Variants in SPINT2 observed in about 807,000 individuals in gnomAD.
SPINT2 encodes the protein kunitz-type protease inhibitor 2.
A neutral mutation model predicts 30.1 loss-of-function variants in SPINT2; 18 were observed. The ratio of observed to expected loss-of-function variants is 0.60; its 90% CI spans 0.41 to 0.89. The LOEUF (loss-of-function observed/expected upper bound fraction) is 0.89, where lower values mean the gene tolerates loss of function less well. Ranked by LOEUF, SPINT2 falls within the 40% of genes least tolerant of loss-of-function variation. SPINT2 has a pLI of 0.00. For synonymous variants in SPINT2, 139 were observed against 137.9 expected (o/e 1.01, Z -0.05); for missense variants, 276 against 334.3 (o/e 0.83, Z 1.36).
chr19:38,264,600 T>G lies in SPINT2; in HGVS notation c.-293T>G. ...CATTGGCTCTGGCGACCTCCGCGCG[T>G]TGGGAGGTGTAGCGCGGCTCTGAAC... is the stretch of plus-strand genomic sequence containing the variant. On this transcript the variant is annotated 5_prime_UTR_variant, in exon 1 of 7. Transcript: ENST00000301244. 3.4e-4 allele frequency: 103 copies of G among 301,454 alleles called. No individual in the cohort carries two copies. Among genetic ancestry groups the G allele is most frequent in the East Asian group, 4.9e-4 (7 of 14,278 alleles). 18.7% of individuals were successfully genotyped at this position (301,454 alleles called of 1,614,324 possible). A position where few individuals can be genotyped will look rare whatever the true frequency, so the allele number is the denominator to read the frequency against.
rs772039357 is a variant in SPINT2 at position 38,290,079 on chromosome 19, G to A, written c.392-40G>A. The A allele has an allele frequency of 7.4e-6, 12 of 1,611,182 alleles. No individual in the cohort carries two copies. In the East Asian group the frequency reaches 1.8e-4, roughly 24 times the overall value. ...TCTGGCTTGCTTCCCCTCCTTGCGGGCCCTACTAATTTGTATTCCCTGGGC... is the reference window on the plus strand; with the variant it reads ...TCTGGCTTGCTTCCCCTCCTTGCGGACCCTACTAATTTGTATTCCCTGGGC... On this transcript the variant is annotated intron_variant, in intron 4 of 6. Coordinates refer to ENST00000301244, the MANE Select transcript of SPINT2 (RefSeq NM_021102.4). The surrounding 1 kb of genome is among the most constrained non-coding windows in gnomAD (Gnocchi z 4.3).
chr19:38,271,364 C>T (rs994387203), intron 1 of SPINT2, among the ~76,000 whole-genome samples: 31 of 151,824 alleles, frequency 2.0e-4, no homozygotes, highest in Admixed American at 7.2e-4. Context: ...TGGTGGCGGG[C>T]GCCTATAGTC....
intron 1 of SPINT2, among the ~76,000 whole-genome samples, chr19:38,267,593 G>T (rs1600330423): frequency 6.7e-6 from 1 of 148,346 alleles, no homozygotes; most frequent in East Asian, 2.1e-4. Context: ...ATGAGAGGGA[G>T]GTTCTGAAGA....
At chr19:38,274,824 A>AAC (rs1555715734) in intron 1 of SPINT2, among the ~76,000 whole-genome samples, 9 of 151,912 alleles carry the variant, frequency 5.9e-5, no homozygotes, top group Admixed American at 2.6e-4. Flanking sequence ...AAAAAAAAAA[A>AAC]AAACATAAAA....
At chr19:38,285,331 C>T (rs1205017421) in intron 2 of SPINT2, among the ~76,000 whole-genome samples, 1 of 152,172 alleles carries the variant, frequency 6.6e-6, no homozygotes, top group African/African-American at 2.4e-5. Flanking sequence ...TTTGGCCATC[C>T]AAATCCTATG....
intron 4 of SPINT2, 71 bp downstream of exon 4, chr19:38,289,262 G>A: frequency 2.2e-6 from 3 of 1,351,180 alleles, no homozygotes; most frequent in South Asian, 1.2e-5. Context: ...GCTGAGGTGG[G>A]CGGATCACGA....
intron 2 of SPINT2, among the ~76,000 whole-genome samples, chr19:38,284,643 T>A (rs1968620890): frequency 6.6e-6 from 1 of 152,198 alleles, no homozygotes; most frequent in African/African-American, 2.4e-5. Context: ...CTTTACTAAG[T>A]GCAAGTTTCA....
intron 1 of SPINT2, chr19:38,265,201 G>A (rs772351454): frequency 1.7e-5 from 9 of 543,964 alleles, no homozygotes; most frequent in Admixed American, 3.2e-5. Context: ...GGGCGGAGGA[G>A]CGAGGGTTAG....
rs192603885 is a variant in SPINT2 at position 38,265,139 on chromosome 19, C to G, written c.106+141C>G. The G allele has an allele frequency of 5.0e-4, 365 of 736,654 alleles. No homozygotes were observed. The African/African-American group carries it at 5.9e-3, about 12-fold the overall frequency. 45.6% of individuals were successfully genotyped at this position (736,654 alleles called of 1,614,324 possible). A position where few individuals can be genotyped will look rare whatever the true frequency, so the allele number is the denominator to read the frequency against. ...GTTCAGCGGGTGTGGTGGAACCAGC[C>G]CTGGAGGATTGAGCCTTGAAATGAG... On this transcript the variant is annotated intron_variant, in intron 1 of 6. Coordinates refer to ENST00000301244, the MANE Select transcript of SPINT2 (RefSeq NM_021102.4).
chr19:38,277,636 G>T (rs1190261015), intron 1 of SPINT2, among the ~76,000 whole-genome samples: 3 of 152,206 alleles, frequency 2.0e-5, no homozygotes, highest in African/African-American at 7.2e-5. Context: ...CCGGCTGATT[G>T]TCTTGGTTAA....
intron 1 of SPINT2, among the ~76,000 whole-genome samples, chr19:38,281,113 G>A (rs143342874): frequency 1.4e-4 from 22 of 152,228 alleles, no homozygotes; most frequent in Non-Finnish European, 2.9e-4. Flanking sequence ...CAGCGTTGGG[G>A]TGGGCAGAGT....
At chr19:38,281,697 GAAACTCTGTCTCA>G (rs1229483811) in intron 1 of SPINT2, among the ~76,000 whole-genome samples, 1 of 151,190 alleles carries the variant, frequency 6.6e-6, no homozygotes, top group Non-Finnish European at 1.5e-5. Context: ...CAACAAGAGT[GAAACTCTGTCTCA>G]AAAAAAAAAA....
chr19:38,289,497 A>AAC lies in SPINT2; in HGVS notation c.391+307_391+308insCA, dbSNP rs1459381668. The AAC allele has an allele frequency of 1.1e-3, 260 of 235,998 alleles. 4 individuals are homozygous for AAC. The highest frequency in any genetic ancestry group is 5.9e-3 in the African/African-American group (252 of 42,904). The allele number at this position is 235,998 out of a possible 1,614,324, so 14.6% of individuals were successfully genotyped here. A position where few individuals can be genotyped will look rare whatever the true frequency, so the allele number is the denominator to read the frequency against. ...GAGACTCTGTCTCAAAAAAAAAAAA[A>AAC]AAAAAAAAAAAAAAAACTCCGAAGA... On this transcript the variant is annotated intron_variant, in intron 4 of 6. Transcript: ENST00000301244.
intron 1 of SPINT2, among the ~76,000 whole-genome samples, chr19:38,281,709 CAAA>C (rs879535887): frequency 1.4e-5 from 2 of 141,558 alleles, no homozygotes; most frequent in Non-Finnish European, 3.1e-5. Flanking sequence ...AACTCTGTCT[CAAA>C]AAAAAAAAAA....
chr19:38,276,545 G>A (rs1195823333), intron 1 of SPINT2, among the ~76,000 whole-genome samples: 1 of 152,006 alleles, frequency 6.6e-6, no homozygotes. Flanking sequence ...GGGAGGCTGA[G>A]GCAGGGGAAT....
At chr19:38,278,334 G>A (rs375874006) in intron 1 of SPINT2, among the ~76,000 whole-genome samples, 19 of 152,334 alleles carry the variant, frequency 1.2e-4, no homozygotes, top group Middle Eastern at 3.4e-3. Context: ...CTGAAGGGTC[G>A]TGTTAGTGCC....
intron 1 of SPINT2, among the ~76,000 whole-genome samples, chr19:38,269,134 A>T (rs1968417579): frequency 1.3e-5 from 2 of 151,374 alleles, no homozygotes; most frequent in Non-Finnish European, 2.9e-5. Flanking sequence ...AGTCTCTCTC[A>T]TCGCCCAGTC....
intron 2 of SPINT2, 123 bp downstream of exon 2, chr19:38,283,920 C>T (rs933849485): frequency 8.8e-7 from 1 of 1,139,444 alleles, no homozygotes; most frequent in Non-Finnish European, 1.2e-6. Context: ...TGGCTCACTG[C>T]AAGCTCCGCC....
At chr19:38,279,386 A>T (rs896510542) in intron 1 of SPINT2, among the ~76,000 whole-genome samples, 1 of 151,854 alleles carries the variant, frequency 6.6e-6, no homozygotes, top group Admixed American at 6.6e-5. Flanking sequence ...AATCCCAGCT[A>T]CTCAGGAGGC....
Sources: allele counts gnomAD v4.1 joint callset (sites outside exome capture counted in the v4.1 genomes callset), GRCh38; gene constraint gnomAD v4.1.1; non-coding constraint Gnocchi (gnomAD v3.1); transcripts MANE v1.5; gene names NCBI Gene and HGNC (gene_info 2026-07-23, HGNC 2026-07-21).